BBX: variants seen among roughly 807,000 people sequenced by gnomAD.
The protein encoded by BBX is HMG box transcription factor BBX.
In BBX, 30 loss-of-function variants were observed where a neutral mutation model predicts 100.2. The observed-to-expected ratio is 0.30, with a 90% CI of 0.22 to 0.41. BBX has a LOEUF of 0.41. Among genes scored for constraint, BBX ranks in the 10% least tolerant of loss-of-function variants. BBX has a pLI of 1.00. For missense variants in BBX, 1,023 were observed against 1,129.8 expected, an observed-to-expected ratio of 0.91 and a Z score of 1.35; for synonymous variants, 376 against 388.1, an observed-to-expected ratio of 0.97 and a Z score of 0.37.
intron 6 of BBX, among the ~76,000 whole-genome samples, chr3:107,731,212 G>A (rs1035345483): frequency 1.3e-5 from 2 of 152,092 alleles, no homozygotes; most frequent in Non-Finnish European, 2.9e-5. Context: ...CTATGTTTTA[G>A]TATCTATACA....
intron 13 of BBX, among the ~76,000 whole-genome samples, chr3:107,785,529 A>G (rs2068324200): frequency 6.6e-6 from 1 of 152,040 alleles, no homozygotes; most frequent in African/African-American, 2.4e-5. Context: ...TTTAATATTC[A>G]AAAACCAATT....
At chr3:107,617,640 A>G (rs1188643887) in intron 2 of BBX, among the ~76,000 whole-genome samples, 2 of 152,006 alleles carry the variant, frequency 1.3e-5, no homozygotes, top group Non-Finnish European at 2.9e-5. Context: ...AGCTATTGTA[A>G]TCTTCATTTT....
intron 2 of BBX, among the ~76,000 whole-genome samples, chr3:107,606,210 A>G (rs548810010): frequency 6.6e-6 from 1 of 152,362 alleles, no homozygotes; most frequent in East Asian, 1.9e-4. Context: ...AGTGAGAAAT[A>G]ATGTTCACAA....
At chr3:107,636,331 A>G (rs1559901246) in intron 2 of BBX, among the ~76,000 whole-genome samples, 1 of 152,306 alleles carries the variant, frequency 6.6e-6, no homozygotes, top group East Asian at 1.9e-4. Flanking sequence ...CGCCTTTACC[A>G]AGGAATGGAG....
chr3:107,565,725 C>T (rs639921), intron 2 of BBX, among the ~76,000 whole-genome samples: 1 of 150,254 alleles, frequency 6.7e-6, no homozygotes, highest in Non-Finnish European at 1.5e-5. Flanking sequence ...GGATCATGCT[C>T]GGATTACAGG....
At chr3:107,554,973 C>G (rs529225409) in intron 2 of BBX, among the ~76,000 whole-genome samples, 1 of 151,552 alleles carries the variant, frequency 6.6e-6, no homozygotes, top group East Asian at 2.0e-4. Context: ...GAGGCTGAGG[C>G]AGGAGAATCG....
At chr3:107,766,969 G>A (rs963465959) in intron 10 of BBX, among the ~76,000 whole-genome samples, 1 of 152,150 alleles carries the variant, frequency 6.6e-6, no homozygotes, top group African/African-American at 2.4e-5. Flanking sequence ...ACCAAACACT[G>A]CATGTTCTCA....
At chr3:107,613,742 C>T (rs965646431) in intron 2 of BBX, among the ~76,000 whole-genome samples, 2 of 152,034 alleles carry the variant, frequency 1.3e-5, no homozygotes, top group Non-Finnish European at 2.9e-5. Flanking sequence ...CCTAACCTCT[C>T]AAAATTATTA....
At chr3:107,577,181 G>T in intron 2 of BBX, among the ~76,000 whole-genome samples, 1 of 152,060 alleles carries the variant, frequency 6.6e-6, no homozygotes. Context: ...ATTTTTTGTG[G>T]TATCTCTGTA....
At chr3:107,657,463 T>C (rs2058213036) in intron 3 of BBX, among the ~76,000 whole-genome samples, 1 of 152,186 alleles carries the variant, frequency 6.6e-6, no homozygotes, top group Non-Finnish European at 1.5e-5. Flanking sequence ...ATATGAAGTC[T>C]AGGTATCTGT....
At chr3:107,611,443 TG>T (rs1354911020) in intron 2 of BBX, among the ~76,000 whole-genome samples, 1 of 152,206 alleles carries the variant, frequency 6.6e-6, no homozygotes, top group Non-Finnish European at 1.5e-5. Flanking sequence ...CCTCAGCTTT[TG>T]TTTGTCTGGG....
chr3:107,533,625 T>G (rs543560864), intron 2 of BBX, among the ~76,000 whole-genome samples: 1 of 152,352 alleles, frequency 6.6e-6, no homozygotes, highest in South Asian at 2.1e-4. Context: ...ACCTCTTATA[T>G]TCCATTTTGA....
intron 2 of BBX, among the ~76,000 whole-genome samples, chr3:107,583,203 T>C (rs1185753163): frequency 6.6e-6 from 1 of 152,008 alleles, no homozygotes; most frequent in Non-Finnish European, 1.5e-5. Context: ...CAGTGTTTTT[T>C]TAAGGCTTAT....
At chr3:107,686,048 A>G (rs1225982064) in intron 3 of BBX, among the ~76,000 whole-genome samples, 3 of 152,186 alleles carry the variant, frequency 2.0e-5, no homozygotes, top group African/African-American at 7.2e-5. Flanking sequence ...CCTTTTTATT[A>G]TCTTATTGTA....
At chr3:107,615,143 G>T (rs2055153151) in intron 2 of BBX, among the ~76,000 whole-genome samples, 1 of 152,180 alleles carries the variant, frequency 6.6e-6, no homozygotes, top group South Asian at 2.1e-4. Context: ...TGGTATATTG[G>T]TGTTTCAACA....
intron 2 of BBX, among the ~76,000 whole-genome samples, chr3:107,620,105 T>G (rs9815412): frequency 0.13 from 19,052 of 152,068 alleles, 1,427 homozygotes; most frequent in Middle Eastern, 0.19. Flanking sequence ...TGGCTCAGAT[T>G]GGGTAATTTC....
At chr3:107,642,161 C>T (rs574423816) in intron 2 of BBX, among the ~76,000 whole-genome samples, 1 of 152,106 alleles carries the variant, frequency 6.6e-6, no homozygotes, top group Non-Finnish European at 1.5e-5. Flanking sequence ...TGTATGAGGC[C>T]ACTGTTGGGA....
At chr3:107,696,770 C>T (rs980540053) in intron 3 of BBX, among the ~76,000 whole-genome samples, 2 of 151,436 alleles carry the variant, frequency 1.3e-5, no homozygotes, top group Non-Finnish European at 2.9e-5. Flanking sequence ...GGAAGTTCTC[C>T]TGGATAATAT....
chr3:107,699,075 A>T (rs546203050), intron 3 of BBX, among the ~76,000 whole-genome samples: 5 of 151,736 alleles, frequency 3.3e-5, no homozygotes, highest in Admixed American at 1.3e-4. Flanking sequence ...AGCCCTGGAG[A>T]CACACCATGG....
Sources: gnomAD v4.1 joint callset for allele counts (sites outside exome capture counted in the v4.1 genomes callset) on GRCh38, gnomAD v4.1.1 for gene constraint, MANE v1.5 for transcripts, NCBI Gene and HGNC (gene_info 2026-07-23, HGNC 2026-07-21) for gene names.